Variants in CNTNAP4 observed in about 807,000 individuals in gnomAD.
The protein encoded by CNTNAP4 is contactin associated protein family member 4, also known as contactin-associated protein-like 4.
Under a neutral mutation model 148.4 loss-of-function variants are expected in CNTNAP4, and 98 were observed. The ratio of observed to expected loss-of-function variants is 0.66; its 90% confidence interval spans 0.56 to 0.78. The LOEUF is 0.78. CNTNAP4 is among the 30% of genes least tolerant of loss of function. CNTNAP4 has a pLI of 0.00. For synonymous variants in CNTNAP4, 730 were observed against 565.1 expected, an observed-to-expected ratio of 1.29 and a Z score of -4.14; for missense variants, 1,935 against 1,565.6, an observed-to-expected ratio of 1.24 and a Z score of -3.98.
chr16:76,338,275 C>G (rs1467747353), intron 2 of CNTNAP4, among the ~76,000 whole-genome samples: 1 of 152,210 alleles, frequency 6.6e-6, no homozygotes, highest in Non-Finnish European at 1.5e-5. Flanking sequence ...TCTTCTGCTG[C>G]TGCTTCAGCT....
At chr16:76,417,302 A>T (rs141678352) in intron 3 of CNTNAP4, among the ~76,000 whole-genome samples, 234 of 151,394 alleles carry the variant, frequency 1.5e-3, no homozygotes, top group African/African-American at 5.4e-3. Context: ...TAAGTTCCTT[A>T]TCTGATTTTA....
At chr16:76,320,339 G>T (rs1057010815) in intron 2 of CNTNAP4, among the ~76,000 whole-genome samples, 1 of 152,164 alleles carries the variant, frequency 6.6e-6, no homozygotes, top group African/African-American at 2.4e-5. Context: ...AGCAAAATGT[G>T]TGAGGGAAGA....
chr16:76,494,089 T>TC (rs898170059), intron 13 of CNTNAP4, among the ~76,000 whole-genome samples: 2 of 151,700 alleles, frequency 1.3e-5, no homozygotes, highest in African/African-American at 4.8e-5. Context: ...CCATACTTTT[T>TC]TTTTTTCCAT....
chr16:76,524,964 C>T (rs1244938435), intron 17 of CNTNAP4, among the ~76,000 whole-genome samples: 1 of 149,982 alleles, frequency 6.7e-6, no homozygotes, highest in Non-Finnish European at 1.5e-5. Flanking sequence ...GGGAAGGGCT[C>T]ATAAAAAAGA....
chr16:76,355,346 T>C lies in CNTNAP4; in HGVS notation c.225T>C (p.Ser75=). The C allele has an allele frequency of 6.3e-7, 1 of 1,591,874 alleles. No individual in the cohort carries two copies. Residue 75 remains serine, a synonymous_variant, in exon 3 of 24, where the codon TCT becomes TCC. Coordinates refer to ENST00000611870, the MANE Select transcript of CNTNAP4 (RefSeq NM_033401.5). ...CTGGTGGCTGGTCTCCACTTGTGTC[T>C]AACAAATACCAGTGGTTGCAGATTG... The part of the protein sequence containing the change: ...DGAGGWSPLV[S]NKYQWLQIDL...
At chr16:76,346,276 G>T (rs1174397222) in intron 2 of CNTNAP4, among the ~76,000 whole-genome samples, 1 of 151,896 alleles carries the variant, frequency 6.6e-6, no homozygotes, top group Non-Finnish European at 1.5e-5. Flanking sequence ...TTACCTTTTT[G>T]ATATACTATG....
chr16:76,415,101 A>T (rs8052472), intron 3 of CNTNAP4, among the ~76,000 whole-genome samples: 52,692 of 150,802 alleles, frequency 0.35, 10,835 homozygotes, highest in Non-Finnish European at 0.44. Flanking sequence ...GATAAACACA[A>T]TTCCTCCAAA....
chr16:76,393,687 GAAAA>G (rs142796425), intron 3 of CNTNAP4, among the ~76,000 whole-genome samples: 5 of 145,822 alleles, frequency 3.4e-5, no homozygotes, highest in African/African-American at 1.3e-4. Flanking sequence ...ATTCCTGGCA[GAAAA>G]AAAAAAAATT....
intron 17 of CNTNAP4, among the ~76,000 whole-genome samples, chr16:76,528,652 C>T (rs998789728): frequency 1.3e-4 from 20 of 152,168 alleles, no homozygotes; most frequent in Admixed American, 1.0e-3. Context: ...TCCATTGCTT[C>T]TTCACCCTCT....
At chr16:76,440,510 C>T (rs538704834) in intron 4 of CNTNAP4, among the ~76,000 whole-genome samples, 2 of 152,220 alleles carry the variant, frequency 1.3e-5, no homozygotes, top group African/African-American at 2.4e-5. Flanking sequence ...ATAAATAAAA[C>T]ATTCATTTCC....
chr16:76,545,762 G>A (rs1247890215), intron 21 of CNTNAP4, among the ~76,000 whole-genome samples: 3 of 152,202 alleles, frequency 2.0e-5, no homozygotes, highest in Non-Finnish European at 2.9e-5. Flanking sequence ...ACCCAGCCAG[G>A]CACAGTGGCT....
intron 1 of CNTNAP4, among the ~76,000 whole-genome samples, chr16:76,295,919 G>A (rs1375404431): frequency 6.6e-6 from 1 of 152,152 alleles, no homozygotes; most frequent in African/African-American, 2.4e-5. Flanking sequence ...CTGGGTTCCA[G>A]CGATTCTCCT....
At chr16:76,491,705 A>G (rs2082228493) in intron 13 of CNTNAP4, among the ~76,000 whole-genome samples, 1 of 152,248 alleles carries the variant, frequency 6.6e-6, no homozygotes, top group Non-Finnish European at 1.5e-5. Flanking sequence ...AACTCAGGTC[A>G]TTTATGTGGA....
At chr16:76,335,067 GAGACGGTTATC>G (rs1963902435) in intron 2 of CNTNAP4, among the ~76,000 whole-genome samples, 1 of 152,098 alleles carries the variant, frequency 6.6e-6, no homozygotes, top group Non-Finnish European at 1.5e-5. Context: ...AGAGAGTTGG[GAGACGGTTATC>G]AAACTGAGGT....
At position 76,397,974 on chromosome 16, in the gene CNTNAP4, A is replaced by G. The variant is rs988854794; in HGVS notation, c.391-29478A>G. Among the ~76,000 whole-genome samples the G allele has an allele frequency of 4.6e-3, 287 of 61,796 alleles. 30 individuals carry two copies. The highest frequency in any genetic ancestry group is 0.019 in the East Asian group (50 of 2,568). 40.5% of individuals were successfully genotyped at this position (61,796 alleles called of 152,430 possible). The stretch of plus-strand genomic sequence containing the variant: ...TATATATATATATATATATATATAT[A>G]TATATATATATATATATATATATAT... On this transcript the variant is annotated intron_variant, in intron 3 of 23. Transcript: ENST00000611870.
chr16:76,321,544 C>G (rs1056065157), intron 2 of CNTNAP4, among the ~76,000 whole-genome samples: 1 of 152,128 alleles, frequency 6.6e-6, no homozygotes, highest in Admixed American at 6.5e-5. Context: ...AATCCCAGCA[C>G]TTTGGGAGGC....
At chr16:76,458,728 G>T (rs766566489) in intron 8 of CNTNAP4, among the ~76,000 whole-genome samples, 1 of 152,184 alleles carries the variant, frequency 6.6e-6, no homozygotes, top group African/African-American at 2.4e-5. Context: ...ACCTTCTGCT[G>T]TGTGATCCAG....
chr16:76,450,000 A>G (rs935491109), intron 7 of CNTNAP4, 142 bp downstream of exon 7: 3 of 640,956 alleles, frequency 4.7e-6, no homozygotes, highest in South Asian at 4.6e-5. Flanking sequence ...GGCAATATGC[A>G]TATAAAAGAT....
At chr16:76,517,879 C>G (rs1234508990) in intron 15 of CNTNAP4, among the ~76,000 whole-genome samples, 1 of 151,946 alleles carries the variant, frequency 6.6e-6, no homozygotes, top group Non-Finnish European at 1.5e-5. Context: ...TCTCCATAAG[C>G]CTGTTTTTTT....
Sources: gnomAD v4.1 joint callset for allele counts (sites outside exome capture counted in the v4.1 genomes callset) on GRCh38, gnomAD v4.1.1 for gene constraint, MANE v1.5 for transcripts, NCBI Gene and HGNC (gene_info 2026-07-23, HGNC 2026-07-21) for gene names.